UBA6: variants seen among roughly 807,000 people sequenced by gnomAD.
UBA6 encodes the protein ubiquitin-like modifier-activating enzyme 6.
Under a neutral mutation model 148.3 loss-of-function variants are expected in UBA6, and 87 were observed. That is an observed-to-expected ratio of 0.59 (90% CI 0.49 to 0.70). The LOEUF (loss-of-function observed/expected upper bound fraction) is 0.70, where lower values mean the gene tolerates loss of function less well. Among genes scored for constraint, UBA6 ranks in the 30% least tolerant of loss-of-function variants. The pLI is 0.00. For missense variants in UBA6, 1,186 were observed against 1,241.2 expected (o/e 0.96, Z 0.67); for synonymous variants, 376 against 401.0 (o/e 0.94, Z 0.75).
chr4:67,685,422 G>A (rs573217081), intron 2 of UBA6, among the ~76,000 whole-genome samples: 1 of 152,250 alleles, frequency 6.6e-6, no homozygotes, highest in African/African-American at 2.4e-5. Flanking sequence ...GTTCTCTAGT[G>A]TCATCTTTTG....
At chr4:67,631,676 A>T in intron 25 of UBA6, 32 bp downstream of exon 25, 1 of 1,480,314 alleles carries the variant, frequency 6.8e-7, no homozygotes, top group Middle Eastern at 2.4e-4. Context: ...ATATATAATG[A>T]AGGATACATA....
intron 2 of UBA6, among the ~76,000 whole-genome samples, chr4:67,695,698 T>C (rs1006652119): frequency 6.6e-6 from 1 of 152,210 alleles, no homozygotes; most frequent in Non-Finnish European, 1.5e-5. Context: ...TTAACCCTTA[T>C]ACAACAACTT....
rs1728673232 is a variant in UBA6 at position 67,618,252 on chromosome 4, G to A, written c.*745C>T. 1 of 152,464 alleles carries A rather than the reference G, an allele frequency of 6.6e-6. No homozygotes were observed. The highest frequency in any genetic ancestry group is 2.4e-5 in the African/African-American group (1 of 41,408). 9.4% of individuals were successfully genotyped at this position (152,464 alleles called of 1,614,324 possible). A position where few individuals can be genotyped will look rare whatever the true frequency, so the allele number is the denominator to read the frequency against. Reference sequence around the variant, plus strand: ...TAGAAGGCATACTGAAGAATCAAATGGTTAGCCACATTTGTCTGTTCACAT... The same window carrying A: ...TAGAAGGCATACTGAAGAATCAAATAGTTAGCCACATTTGTCTGTTCACAT... On this transcript the variant is annotated 3_prime_UTR_variant, in exon 33 of 33. Coordinates refer to ENST00000322244, the MANE Select transcript of UBA6 (RefSeq NM_018227.6).
rs1345840536 is a variant in UBA6, at chr4:67,633,383, A to G, written c.2104T>C (p.Leu702=). 16 of 1,608,312 alleles carry G rather than the reference A, an allele frequency of 9.9e-6. No individual in the cohort carries two copies. The highest frequency in any genetic ancestry group is 1.4e-5 in the Non-Finnish European group (16 of 1,178,588). ...TATTTTTCAAACTTTAATCTTGCTA[A>G]TTCTACACACTGGGACCAATTTCTA... ...RPRNWSQCVE[L]ARLKFEKYFN... The change falls in exon 23 of 33, where the codon TTA becomes CTA. Residue 702 remains leucine (L), a synonymous_variant. Transcript: ENST00000322244.
chr4:67,638,584 A>G (rs1365343037), intron 19 of UBA6, among the ~76,000 whole-genome samples: 1 of 152,170 alleles, frequency 6.6e-6, no homozygotes, highest in Non-Finnish European at 1.5e-5. Context: ...TTTCTATTGC[A>G]GTGGGACTCA....
intron 27 of UBA6, among the ~76,000 whole-genome samples, chr4:67,627,684 C>T (rs1367709941): frequency 6.6e-6 from 1 of 151,330 alleles, no homozygotes; most frequent in African/African-American, 2.4e-5. Context: ...ATCAACTGCC[C>T]TACAAGTCTT....
chr4:67,634,229 T>C lies in UBA6; in HGVS notation c.2013+13A>G. 7.8e-6 allele frequency: 12 copies of C among 1,543,900 alleles called. No individual in the cohort carries two copies. Among genetic ancestry groups the C allele is most frequent in the Non-Finnish European group, 9.6e-6 (11 of 1,143,620 alleles). On this transcript the variant is annotated intron_variant, in intron 22 of 32. Coordinates refer to ENST00000322244, the MANE Select transcript of UBA6 (RefSeq NM_018227.6). ...AAAGTGTTAAGTTTGTATTAAAATT[T>C]ACTGATTTTTACCTGTAAGACTTCT... is the stretch of plus-strand genomic sequence containing the variant.
At chr4:67,693,706 C>G (rs1730753296) in intron 2 of UBA6, among the ~76,000 whole-genome samples, 1 of 152,130 alleles carries the variant, frequency 6.6e-6, no homozygotes, top group Non-Finnish European at 1.5e-5. Context: ...ATGGTCGGAA[C>G]TGTGGCTGTG....
rs777060288 is a variant in UBA6, at chr4:67,677,569, T to G, written c.465+42A>C. The G allele has an allele frequency of 2.8e-6, 3 of 1,071,918 alleles. No individual in the cohort carries two copies. In the East Asian group the frequency reaches 7.5e-5, roughly 27 times the overall value. The allele number at this position is 1,071,918 out of a possible 1,614,324, so 66.4% of individuals were successfully genotyped here. On this transcript the variant is annotated intron_variant, in intron 6 of 32. Coordinates refer to ENST00000322244, the MANE Select transcript of UBA6 (RefSeq NM_018227.6). ...ATATTAATATTTAACAATTTTGCCC[T>G]GGAACCTGTCAATAACATTTAATAC...
intron 2 of UBA6, among the ~76,000 whole-genome samples, chr4:67,696,069 A>T (rs1730824236): frequency 6.6e-6 from 1 of 152,188 alleles, no homozygotes; most frequent in Non-Finnish European, 1.5e-5. Context: ...TTCAAATTAC[A>T]ACTCTTCAAT....
chr4:67,687,846 A>G (rs1238753396), intron 2 of UBA6, among the ~76,000 whole-genome samples: 1 of 152,194 alleles, frequency 6.6e-6, no homozygotes, highest in Non-Finnish European at 1.5e-5. Flanking sequence ...ACAAACCCAC[A>G]TGACGCAAGT....
At chr4:67,619,221 A>C in intron 32 of UBA6, 89 bp from the exon 33 acceptor site, 3 of 937,470 alleles carry the variant, frequency 3.2e-6, no homozygotes, top group Non-Finnish European at 4.9e-6. Context: ...GAGAACCTGG[A>C]CTTGTATCTA....
Position 67,694,393 on chromosome 4 carries a change from CTTT to C in UBA6, c.134+2249_134+2251del, listed in dbSNP as rs201952800. Among the ~76,000 whole-genome samples, 411 of 140,860 alleles carry C rather than the reference CTTT, an allele frequency of 2.9e-3. 3 individuals carry two copies. The highest frequency in any genetic ancestry group is 0.01 in the African/African-American group (397 of 38,846). 92.4% of individuals were successfully genotyped at this position (140,860 alleles called of 152,430 possible). A position where few individuals can be genotyped will look rare whatever the true frequency, so the allele number is the denominator to read the frequency against. On this transcript the variant is annotated intron_variant, in intron 2 of 32. Transcript: ENST00000322244. ...TTTTGGCATTTTGGTCTTTGTATTT[CTTT>C]TTTTTTTTTTCTTGACATGGAGTTT...
rs552010608 is a variant in UBA6 at position 67,635,812 on chromosome 4, A to G, written c.1737-254T>C. ...TATCTCTAGGTTAATTCCTAACAAT[A>G]TTACTCCTTTTCCCTTGCTTTATAT... On this transcript the variant is annotated intron_variant, in intron 19 of 32. Transcript: ENST00000322244. Among the ~76,000 whole-genome samples the G allele has an allele frequency of 1.6e-4, 21 of 131,108 alleles. No homozygotes were observed. In the South Asian group the frequency reaches 4.4e-3, roughly 28 times the overall value. 86.0% of individuals were successfully genotyped at this position (131,108 alleles called of 152,430 possible).
At chr4:67,688,048 G>A (rs1049660032) in intron 2 of UBA6, among the ~76,000 whole-genome samples, 2 of 152,126 alleles carry the variant, frequency 1.3e-5, no homozygotes, top group South Asian at 2.1e-4. Context: ...AGAGGAAAGC[G>A]TTTCCTCTAG....
At chr4:67,696,597 A>G (rs1411308689) in intron 2 of UBA6, 48 bp downstream of exon 2, 3 of 1,442,502 alleles carry the variant, frequency 2.1e-6, no homozygotes, top group African/African-American at 2.8e-5. Flanking sequence ...TGATTATTTG[A>G]GAACAATTAA....
At chr4:67,696,476 CATATATACACACACAT>C (rs1429413681) in intron 2 of UBA6, among the ~76,000 whole-genome samples, 153 bp downstream of exon 2, 1 of 150,666 alleles carries the variant, frequency 6.6e-6, no homozygotes, top group Non-Finnish European at 1.5e-5. Flanking sequence ...CATATATACA[CATATATACACACACAT>C]ATATATACAC....
chr4:67,679,535 A>T (rs1189954176), intron 4 of UBA6, among the ~76,000 whole-genome samples: 1 of 152,128 alleles, frequency 6.6e-6, no homozygotes, highest in East Asian at 1.9e-4. Context: ...TGCCAAATCC[A>T]GGTAGGATCA....
At position 67,624,201 on chromosome 4, in the gene UBA6, T is replaced by C. The variant is rs1435681824; in HGVS notation, c.2765A>G (p.Lys922Arg). 2.5e-6 allele frequency: 4 copies of C among 1,610,298 alleles called. No individual in the cohort carries two copies. Among genetic ancestry groups the C allele is most frequent in the Non-Finnish European group, 3.4e-6 (4 of 1,178,394 alleles). Reference protein sequence around the residue: ...VTGGYPFEAYKNCFLNLAIPI... With the variant: ...VTGGYPFEAYRNCFLNLAIPI... ...AATGGCTAAGTTAAGAAAACAATTTTTGTAAGCTTCAAATGGATAGCCACC... is the reference window on the plus strand; with the variant it reads ...AATGGCTAAGTTAAGAAAACAATTTCTGTAAGCTTCAAATGGATAGCCACC... The change falls in exon 30 of 33, where the codon AAA becomes AGA. Residue 922 changes from lysine (K) to arginine (R), a missense_variant. By Grantham distance (26) the Lys-to-Arg change is conservative. Coordinates refer to ENST00000322244, the MANE Select transcript of UBA6 (RefSeq NM_018227.6).
Sources: allele counts gnomAD v4.1 joint callset (sites outside exome capture counted in the v4.1 genomes callset), GRCh38; gene constraint gnomAD v4.1.1; transcripts MANE v1.5; gene names NCBI Gene and HGNC (gene_info 2026-07-23, HGNC 2026-07-21).